Variants in KCNC2 observed in about 807,000 individuals in gnomAD.
KCNC2 encodes potassium voltage-gated channel subfamily C member 2.
A neutral mutation model predicts 44.5 loss-of-function variants in KCNC2; 21 were observed. The ratio of observed to expected loss-of-function variants is 0.47; its 90% CI spans 0.33 to 0.68. The LOEUF (loss-of-function observed/expected upper bound fraction) is 0.68. Ranked by LOEUF, KCNC2 falls within the 30% of genes least tolerant of loss-of-function variation. The pLI is 0.01. For missense variants in KCNC2, 589 were observed against 826.2 expected, an observed-to-expected ratio of 0.71 and a Z score of 3.52; for synonymous variants, 391 against 339.1, an observed-to-expected ratio of 1.15 and a Z score of -1.68.
chr12:75,149,713 C>T (rs1664154479), intron 2 of KCNC2, among the ~76,000 whole-genome samples: 1 of 150,642 alleles, frequency 6.6e-6, no homozygotes. Flanking sequence ...CTGAAAGGAT[C>T]TTAATTACCT....
chr12:75,135,393 A>G (rs943657582), intron 2 of KCNC2, among the ~76,000 whole-genome samples: 1 of 152,088 alleles, frequency 6.6e-6, no homozygotes, highest in African/African-American at 2.4e-5. Context: ...ACATTCAAAT[A>G]CATACTGCAT....
chr12:75,120,495 A>G (rs1285601539), intron 2 of KCNC2, among the ~76,000 whole-genome samples: 1 of 152,164 alleles, frequency 6.6e-6, no homozygotes, highest in Non-Finnish European at 1.5e-5. Context: ...ATACTGCTGG[A>G]AAAAATCCAT....
rs553187844 is a variant in KCNC2, at chr12:75,187,827, G to T, written c.687+19470C>A. Among the ~76,000 whole-genome samples the T allele has an allele frequency of 2.0e-5, 3 of 152,216 alleles. No individual in the cohort carries two copies. The East Asian group carries it at 5.8e-4, about 29-fold the overall frequency. ...TACACATGTATTTAAAAATACACCT[G>T]TAACAAAAAGATGGATTTCTATACA... On this transcript the variant is annotated intron_variant, in intron 2 of 4. Transcript: ENST00000549446.
intron 2 of KCNC2, among the ~76,000 whole-genome samples, chr12:75,051,628 G>A (rs533973631): frequency 6.6e-6 from 1 of 152,102 alleles, no homozygotes; most frequent in Non-Finnish European, 1.5e-5. Flanking sequence ...CACTGTAAAG[G>A]AATTGCAAAT....
At chr12:75,142,624 G>T (rs775893255) in intron 2 of KCNC2, among the ~76,000 whole-genome samples, 1 of 152,222 alleles carries the variant, frequency 6.6e-6, no homozygotes, top group Non-Finnish European at 1.5e-5. Context: ...TGGGGTTCCA[G>T]AAGATTCACT....
intron 2 of KCNC2, among the ~76,000 whole-genome samples, chr12:75,200,691 T>G (rs1176450641): frequency 1.3e-5 from 2 of 150,120 alleles, no homozygotes; most frequent in East Asian, 3.9e-4. Context: ...TACATACACA[T>G]TCATTTTAAA....
chr12:75,056,267 T>A (rs1881735248), intron 2 of KCNC2, among the ~76,000 whole-genome samples: 1 of 151,968 alleles, frequency 6.6e-6, no homozygotes, highest in Admixed American at 6.6e-5. Flanking sequence ...ATCCTCCTAT[T>A]ATTTACAATA....
At position 75,041,740 on chromosome 12, in the gene KCNC2, T is replaced by C; in HGVS notation, c.*1365A>G. 1.0e-6 allele frequency: 1 copy of C among 992,948 alleles called. No individual in the cohort carries two copies. The highest frequency in any genetic ancestry group is 1.2e-6 in the Non-Finnish European group (1 of 834,172). 61.5% of individuals were successfully genotyped at this position (992,948 alleles called of 1,614,324 possible). A position where few individuals can be genotyped will look rare whatever the true frequency, so the allele number is the denominator to read the frequency against. On this transcript the variant is annotated 3_prime_UTR_variant, in exon 5 of 5. Transcript: ENST00000549446. ...CAGGCAACCAAGTGCAATGGTGAAA[T>C]TGCTGCTTAAACCCTGCTTATCAAA...
chr12:75,051,644 C>G (rs1314810196), intron 2 of KCNC2, among the ~76,000 whole-genome samples: 1 of 151,944 alleles, frequency 6.6e-6, no homozygotes, highest in Non-Finnish European at 1.5e-5. Flanking sequence ...CAAATGAAAA[C>G]ACACCAAAAC....
At chr12:75,202,608 G>T (rs1377850489) in intron 2 of KCNC2, among the ~76,000 whole-genome samples, 1 of 151,828 alleles carries the variant, frequency 6.6e-6, no homozygotes, top group African/African-American at 2.4e-5. Flanking sequence ...TAGCTCAATT[G>T]TTGTTTGGTA....
At chr12:75,146,723 T>C (rs1336093119) in intron 2 of KCNC2, among the ~76,000 whole-genome samples, 1 of 152,220 alleles carries the variant, frequency 6.6e-6, no homozygotes, top group African/African-American at 2.4e-5. Context: ...TTGATCTGTG[T>C]AGCAACTGTA....
At chr12:75,191,246 T>TA (rs1244482862) in intron 2 of KCNC2, among the ~76,000 whole-genome samples, 4 of 151,646 alleles carry the variant, frequency 2.6e-5, no homozygotes, top group South Asian at 4.2e-4. Flanking sequence ...AGGTTAAATT[T>TA]AAAAAAAATC....
chr12:75,050,488 G>A lies in KCNC2; in HGVS notation c.1517C>T (p.Pro506Leu). 6.2e-7 allele frequency: 1 copy of A among 1,613,640 alleles called. No individual in the cohort carries two copies. Among genetic ancestry groups the A allele is most frequent in the African/African-American group, 1.3e-5 (1 of 74,944 alleles). The change falls in exon 3 of 5, where the codon CCT becomes CTT. Residue 506 changes from proline (P) to leucine (L), a missense_variant. Around this residue, in one of 7 missense-constraint regions of KCNC2, gnomAD observed 171 missense variants for 182.4 expected, o/e 0.94. Coordinates refer to ENST00000549446, the MANE Select transcript of KCNC2 (RefSeq NM_139137.4). ...ATTTAATTCTGTCTTGCAAAAAGTA[G>A]GTGAGCTTGCCTGAGGAGCAGGAGG... ...HIPPAPQASSPTFCKTELNMA... is the reference protein window; with the variant it reads ...HIPPAPQASSLTFCKTELNMA...
At chr12:75,147,185 A>C (rs1037544741) in intron 2 of KCNC2, among the ~76,000 whole-genome samples, 1 of 152,170 alleles carries the variant, frequency 6.6e-6, no homozygotes, top group Non-Finnish European at 1.5e-5. Flanking sequence ...GACAATAGCA[A>C]TAAAAACAAT....
intron 4 of KCNC2, 118 bp from the exon 5 acceptor site, chr12:75,043,359 A>C (rs559477988): frequency 1.4e-6 from 2 of 1,441,394 alleles, no homozygotes; most frequent in South Asian, 3.1e-5. Flanking sequence ...ATTTGTTTAC[A>C]AAGAATTTAA....
intron 2 of KCNC2, among the ~76,000 whole-genome samples, chr12:75,085,337 C>T (rs530742362): frequency 2.6e-5 from 4 of 151,996 alleles, no homozygotes; most frequent in African/African-American, 7.2e-5. Context: ...ACTACCATTA[C>T]TTTGAAAAGG....
chr12:75,122,438 T>C (rs1888110916), intron 2 of KCNC2, among the ~76,000 whole-genome samples: 1 of 152,266 alleles, frequency 6.6e-6, no homozygotes, highest in South Asian at 2.1e-4. Context: ...CAGCACAGAA[T>C]TGGAGATCAA....
At chr12:75,147,175 G>T (rs985988225) in intron 2 of KCNC2, among the ~76,000 whole-genome samples, 3 of 151,770 alleles carry the variant, frequency 2.0e-5, no homozygotes, top group African/African-American at 7.3e-5. Flanking sequence ...ACATTTTGTT[G>T]ACAATAGCAA....
intron 2 of KCNC2, among the ~76,000 whole-genome samples, chr12:75,147,435 C>A (rs1367907095): frequency 6.6e-6 from 1 of 152,028 alleles, no homozygotes; most frequent in Non-Finnish European, 1.5e-5. Context: ...TTTCACTAGA[C>A]CAACTTACGA....
Sources: gnomAD v4.1 joint callset for allele counts (sites outside exome capture counted in the v4.1 genomes callset) on GRCh38, gnomAD v4.1.1 for gene constraint, gnomAD v4.1.1 regional missense constraint, MANE v1.5 for transcripts, NCBI Gene and HGNC (gene_info 2026-07-23, HGNC 2026-07-21) for gene names.